Variants in COL6A6 observed in about 807,000 individuals in gnomAD.
The protein encoded by COL6A6 is collagen type VI alpha 6 chain, also known as collagen alpha-6(VI) chain.
COL6A6 carries 183 observed loss-of-function variants against 208.6 expected under a neutral mutation model. The ratio of observed to expected loss-of-function variants is 0.88; its 90% CI spans 0.78 to 0.99. COL6A6 has a LOEUF of 0.99. Ranked by LOEUF, COL6A6 falls within the 50% of genes least tolerant of loss-of-function variation. The probability of loss-of-function intolerance (pLI) is 0.00; values close to 1 mark genes in which losing one functional copy is unlikely to be tolerated. For missense variants in COL6A6, 2,816 were observed against 2,815.2 expected, an observed-to-expected ratio of 1.00 and a Z score of -0.01; for synonymous variants, 973 against 1,011.8, an observed-to-expected ratio of 0.96 and a Z score of 0.73.
At chr3:130,598,945 G>C (rs1037620200) in intron 19 of COL6A6, among the ~76,000 whole-genome samples, 1 of 152,174 alleles carries the variant, frequency 6.6e-6, no homozygotes, top group African/African-American at 2.4e-5. Flanking sequence ...TCTAAAAAAT[G>C]CGTTACTGGA....
intron 8 of COL6A6, among the ~76,000 whole-genome samples, chr3:130,580,758 C>T (rs1273943378): frequency 1.3e-5 from 2 of 152,138 alleles, no homozygotes; most frequent in African/African-American, 4.8e-5. Context: ...AATATCAAGC[C>T]CTTTCTAGTT....
chr3:130,531,056 A>AGTCTCT (rs1294781159), intron 1 of COL6A6, among the ~76,000 whole-genome samples: 611 of 27,998 alleles, frequency 0.022, 9 homozygotes, highest in African/African-American at 0.042. Flanking sequence ...ACACACACAC[A>AGTCTCT]CACAGTCTCT....
intron 2 of COL6A6, among the ~76,000 whole-genome samples, chr3:130,562,284 G>A (rs1298990822): frequency 6.6e-6 from 1 of 152,182 alleles, no homozygotes; most frequent in Non-Finnish European, 1.5e-5. Context: ...TAAAGGTTAA[G>A]CAAAGTATTA....
intron 7 of COL6A6, among the ~76,000 whole-genome samples, chr3:130,573,705 C>T (rs1560012114): frequency 6.6e-6 from 1 of 151,610 alleles, no homozygotes; most frequent in Non-Finnish European, 1.5e-5. Flanking sequence ...TAGCTGGGAC[C>T]ACAGGCAGCC....
At chr3:130,668,897 T>C (rs2066142137) in intron 36 of COL6A6, among the ~76,000 whole-genome samples, 2 of 152,206 alleles carry the variant, frequency 1.3e-5, no homozygotes, top group African/African-American at 2.4e-5. Flanking sequence ...AATGATTTAA[T>C]AGATACATGC....
chr3:130,618,085 G>A (rs2064588969), intron 23 of COL6A6, among the ~76,000 whole-genome samples: 1 of 152,138 alleles, frequency 6.6e-6, no homozygotes, highest in African/African-American at 2.4e-5. Context: ...CCAGCCTTAT[G>A]CATCAAGTTT....
intron 12 of COL6A6, among the ~76,000 whole-genome samples, chr3:130,590,232 G>A (rs555468434): frequency 2.9e-5 from 3 of 103,382 alleles, no homozygotes; most frequent in African/African-American, 3.7e-5. Flanking sequence ...CACTTGTCTC[G>A]AAATTCCATT....
At chr3:130,616,151 A>T (rs2064513377) in intron 23 of COL6A6, among the ~76,000 whole-genome samples, 1 of 152,180 alleles carries the variant, frequency 6.6e-6, no homozygotes, top group African/African-American at 2.4e-5. Flanking sequence ...AGCCACAGAG[A>T]TGAACACAAT....
At chr3:130,586,967 A>G (rs535057015) in intron 11 of COL6A6, among the ~76,000 whole-genome samples, 1 of 152,324 alleles carries the variant, frequency 6.6e-6, no homozygotes, top group African/African-American at 2.4e-5. Flanking sequence ...AGTGACAAAA[A>G]GAATCTGAGA....
At chr3:130,613,445 G>A (rs1362325033) in intron 23 of COL6A6, among the ~76,000 whole-genome samples, 1 of 152,190 alleles carries the variant, frequency 6.6e-6, no homozygotes, top group African/African-American at 2.4e-5. Flanking sequence ...GTCACATAAG[G>A]TGATGCCTTC....
At chr3:130,660,767 A>G (rs999449707) in intron 34 of COL6A6, among the ~76,000 whole-genome samples, 20 of 152,240 alleles carry the variant, frequency 1.3e-4, no homozygotes, top group Admixed American at 5.2e-4. Context: ...CCTCCCCACT[A>G]CTATACCACC....
chr3:130,569,005 G>A (rs1382005298), intron 6 of COL6A6, among the ~76,000 whole-genome samples: 2 of 152,212 alleles, frequency 1.3e-5, no homozygotes, highest in Admixed American at 1.3e-4. Context: ...GTGGAGTCTA[G>A]TTTGGCCTGA....
intron 1 of COL6A6, among the ~76,000 whole-genome samples, chr3:130,550,983 A>G (rs2062628803): frequency 6.6e-6 from 1 of 152,184 alleles, no homozygotes; most frequent in Admixed American, 6.5e-5. Flanking sequence ...TGTGAGTTGA[A>G]CCAACTTGCA....
chr3:130,603,734 C>G (rs541217405), intron 20 of COL6A6, among the ~76,000 whole-genome samples: 2 of 152,144 alleles, frequency 1.3e-5, no homozygotes, highest in Admixed American at 6.5e-5. Flanking sequence ...GAAGTGGTGT[C>G]GGACAATTGT....
At chr3:130,598,484 T>C in intron 19 of COL6A6, 54 bp downstream of exon 19, 1 of 1,231,344 alleles carries the variant, frequency 8.1e-7, no homozygotes, top group Non-Finnish European at 1.2e-6. Flanking sequence ...GCTTAAGTTC[T>C]TGTTGGTAGA....
chr3:130,571,250 C>T lies in COL6A6; in HGVS notation c.2834C>T (p.Ala945Val). Residue 945 changes from alanine (A) to valine (V), a missense_variant, in exon 7 of 37, where the codon GCT (alanine) becomes GTT (valine). Ala to Val is a moderately conservative substitution (Grantham distance 64, BLOSUM62 0). Coordinates refer to ENST00000358511, the MANE Select transcript of COL6A6 (RefSeq NM_001102608.3). ...ALRDKGILVL[A>V]VGIDGANPVE... ...CGGGACAAAGGCATTCTTGTCCTGG[C>T]TGTGGGGATTGATGGTGCCAATCCC... 1 of 1,614,040 alleles carries T rather than the reference C, an allele frequency of 6.2e-7. No homozygotes were observed. Among genetic ancestry groups the T allele is most frequent in the Non-Finnish European group, 8.5e-7 (1 of 1,179,880 alleles).
chr3:130,558,377 C>T (rs2174944), intron 1 of COL6A6, among the ~76,000 whole-genome samples: 99,609 of 152,050 alleles, frequency 0.66, 37,990 homozygotes, highest in Non-Finnish European at 0.85. Flanking sequence ...GAACGCTTCA[C>T]CGGGCTTCAA....
chr3:130,649,569 G>C lies in COL6A6; in HGVS notation c.5733+7G>C. On this transcript the variant is annotated splice_region_variant and intron_variant, in intron 33 of 36. Transcript: ENST00000358511. ...GGTCAGGCGCGCATTTGCGGTATGAGGATGAAACCTTTCACATGACAATTC... is the reference window on the plus strand; with the variant it reads ...GGTCAGGCGCGCATTTGCGGTATGACGATGAAACCTTTCACATGACAATTC... The C allele has an allele frequency of 6.4e-7, 1 of 1,562,978 alleles. No homozygotes were observed. The highest frequency in any genetic ancestry group is 8.7e-7 in the Non-Finnish European group (1 of 1,154,200).
rs2065079290 is a variant in COL6A6 at position 130,635,288 on chromosome 3, T to C, written c.5029-411T>C. 4.6e-5 allele frequency among the ~76,000 whole-genome samples: 7 copies of C among 152,308 alleles called. No individual in the cohort carries two copies. The South Asian group carries it at 1.5e-3, about 32-fold the overall frequency. On this transcript the variant is annotated intron_variant, in intron 27 of 36. Coordinates refer to ENST00000358511, the MANE Select transcript of COL6A6 (RefSeq NM_001102608.3). ...TGTAATGTAAAGAAAATAAGAGTTA[T>C]TTGATTTTACCTGTCTCAGTTTTCC... is the stretch of plus-strand genomic sequence containing the variant.
Sources: gnomAD v4.1 joint callset for allele counts (sites outside exome capture counted in the v4.1 genomes callset) on GRCh38, gnomAD v4.1.1 for gene constraint, MANE v1.5 for transcripts, NCBI Gene and HGNC (gene_info 2026-07-23, HGNC 2026-07-21) for gene names.